Variants in PCNX1 observed in about 807,000 individuals in gnomAD.
PCNX1 encodes pecanex-like protein 1.
PCNX1 carries 78 observed loss-of-function variants against 242.2 expected under a neutral mutation model. That is an observed-to-expected ratio of 0.32 (90% CI 0.27 to 0.39). The LOEUF is 0.39. Ranked by LOEUF, PCNX1 falls within the 10% of genes least tolerant of loss-of-function variation. PCNX1 has a pLI of 1.00. For synonymous variants in PCNX1, 1,024 were observed against 1,032.9 expected (o/e 0.99, Z 0.17); for missense variants, 2,581 against 2,856.5 (o/e 0.90, Z 2.20).
At chr14:71,085,155 G>T (rs1248693660) in intron 28 of PCNX1, among the ~76,000 whole-genome samples, 1 of 152,152 alleles carries the variant, frequency 6.6e-6, no homozygotes, top group Non-Finnish European at 1.5e-5. Context: ...GCTTCGGCTT[G>T]CCCTCTGTGG....
At position 71,033,482 on chromosome 14, in the gene PCNX1, A is replaced by C. The variant is rs550199235; in HGVS notation, c.3612A>C (p.Leu1204Phe). 1.2e-6 allele frequency: 2 copies of C among 1,610,942 alleles called. No individual in the cohort carries two copies. Among genetic ancestry groups the C allele is most frequent in the South Asian group, 2.2e-5 (2 of 90,982 alleles). The change falls in exon 17 of 36, where the codon TTA becomes TTC. Residue 1204 changes from leucine to phenylalanine, a missense_variant. By Grantham distance (22) the Leu-to-Phe change is conservative (BLOSUM62 0). This residue lies in a region of PCNX1 where 432 missense variants were observed against 443.1 expected (regional missense o/e 0.97). Transcript: ENST00000304743. ...TACTTTTCTCCATTTTTTGTGGTTT[A>C]TTAGTGGCAGTGTCTTACCATCTCA... ...IPVLFSIFCG[L>F]LVAVSYHLSR...
rs75862856 is a variant in PCNX1, at chr14:71,045,018, T to C, written c.3868-115T>C. 3.3e-3 allele frequency: 2,258 copies of C among 689,398 alleles called. 34 individuals carry two copies. In the African/African-American group the frequency reaches 0.035, roughly 11 times the overall value. 42.7% of individuals were successfully genotyped at this position (689,398 alleles called of 1,614,324 possible). Reference sequence around the variant, plus strand: ...ACTGTAGAAAAATGTTTAGTTCTTATATTCTAAAATGGACGTTGTCCATTA... The same window carrying C: ...ACTGTAGAAAAATGTTTAGTTCTTACATTCTAAAATGGACGTTGTCCATTA... On this transcript the variant is annotated intron_variant, in intron 19 of 35. Transcript: ENST00000304743.
intron 19 of PCNX1, among the ~76,000 whole-genome samples, chr14:71,040,219 C>T (rs917641629): frequency 1.3e-5 from 2 of 152,220 alleles, no homozygotes; most frequent in African/African-American, 2.4e-5. Context: ...CCTTATTTCG[C>T]TATTGGTATT....
At chr14:70,949,280 T>TAG (rs2057656010) in intron 2 of PCNX1, among the ~76,000 whole-genome samples, 1 of 38,022 alleles carries the variant, frequency 2.6e-5, no homozygotes, top group African/African-American at 7.8e-5. Context: ...CACACACGTG[T>TAG]ATACACACAC....
chr14:70,936,399 C>T (rs548036888), intron 1 of PCNX1, among the ~76,000 whole-genome samples: 18 of 151,564 alleles, frequency 1.2e-4, no homozygotes, highest in African/African-American at 3.1e-4. Context: ...TCTGTCCTTG[C>T]GACAGTTTGC....
intron 13 of PCNX1, among the ~76,000 whole-genome samples, chr14:71,024,376 A>G (rs958457753): frequency 1.3e-5 from 2 of 152,150 alleles, no homozygotes; most frequent in African/African-American, 4.8e-5. Flanking sequence ...TTAGTCTCTT[A>G]AATCTCCTTT....
In PCNX1 at chr14:71,088,336, G is replaced by T. The variant is rs766646758; in HGVS notation, c.5344G>T (p.Asp1782Tyr). ...GTTTTTTGTTTTTTTAAAGCCTGTG[G>T]ATGTGGACAAAGATTCATCCCTAGT... Reference protein sequence around the residue: ...YCSSRRAKPVDVDKDSSLVTL... With the variant: ...YCSSRRAKPVYVDKDSSLVTL... The change falls in exon 29 of 36, where the codon GAT becomes TAT. Residue 1782 changes from aspartate (D) to tyrosine (Y), a missense_variant. Around this residue, in one of 9 missense-constraint regions of PCNX1, gnomAD observed 298 missense variants for 480.1 expected, o/e 0.62. Transcript: ENST00000304743. 6.2e-7 allele frequency: 1 copy of T among 1,601,678 alleles called. No homozygotes were observed. The highest frequency in any genetic ancestry group is 8.5e-7 in the Non-Finnish European group (1 of 1,169,900).
chr14:71,026,075 T>C (rs759558083), intron 13 of PCNX1, 42 bp from the exon 14 acceptor site: 1 of 1,388,122 alleles, frequency 7.2e-7, no homozygotes, highest in Non-Finnish European at 9.8e-7. Flanking sequence ...TTTGTGACTC[T>C]TAAAATTAAC....
At chr14:70,930,157 CA>C (rs1245210534) in intron 1 of PCNX1, among the ~76,000 whole-genome samples, 1 of 151,870 alleles carries the variant, frequency 6.6e-6, no homozygotes, top group East Asian at 1.9e-4. Flanking sequence ...TTTTAAGGGA[CA>C]GGGTCTCCCT....
At position 70,946,917 on chromosome 14, in the gene PCNX1, C is replaced by T. The variant is rs182984150; in HGVS notation, c.156C>T (p.Ala52=). The part of the protein sequence containing the change: ...LLGLPFTLYM[A]LPSTMIIVAV... Reference sequence around the variant, plus strand: ...TCCTTATTTTCTTTCTCTTAAAGGCCCTTCCTTCTACCATGATTATAGTAG... The same window carrying T: ...TCCTTATTTTCTTTCTCTTAAAGGCTCTTCCTTCTACCATGATTATAGTAG... The change falls in exon 2 of 36, where the codon GCC becomes GCT. Residue 52 remains alanine, a splice_region_variant and synonymous_variant. Coordinates refer to ENST00000304743, the MANE Select transcript of PCNX1 (RefSeq NM_014982.3). 4.0e-5 allele frequency: 64 copies of T among 1,597,468 alleles called. 1 individual carries two copies. The East Asian group carries it at 9.6e-4, about 24-fold the overall frequency.
rs2062799581 is a variant in PCNX1, at chr14:71,113,756, A to G, written c.*3821A>G. ...GTCAGAATTCTTTGAATTTATATTT[A>G]CTAGCTACTTAACCATAAACTGCTG... On this transcript the variant is annotated 3_prime_UTR_variant, in exon 36 of 36. Transcript: ENST00000304743. 6.6e-6 allele frequency: 1 copy of G among 152,236 alleles called. No individual in the cohort carries two copies. The highest frequency in any genetic ancestry group is 2.4e-5 in the African/African-American group (1 of 41,466). The allele number at this position is 152,236 out of a possible 1,614,324, so 9.4% of individuals were successfully genotyped here.
At chr14:70,968,120 A>C in intron 3 of PCNX1, 78 bp from the exon 4 acceptor site, 1 of 963,008 alleles carries the variant, frequency 1.0e-6, no homozygotes, top group South Asian at 1.4e-5. Flanking sequence ...ATTTTGTTTG[A>C]TAATCTTGCT....
chr14:70,998,439 T>G (rs1309849034), intron 8 of PCNX1, among the ~76,000 whole-genome samples: 1 of 152,072 alleles, frequency 6.6e-6, no homozygotes, highest in Non-Finnish European at 1.5e-5. Flanking sequence ...ATTTGAATTA[T>G]AAGTGGCTTA....
chr14:71,077,409 A>G (rs2061744949), intron 28 of PCNX1, among the ~76,000 whole-genome samples: 1 of 152,204 alleles, frequency 6.6e-6, no homozygotes, highest in South Asian at 2.1e-4. Context: ...CTACCTTGAC[A>G]ACTGGTGCCT....
chr14:71,006,683 A>G (rs991530779), intron 8 of PCNX1, among the ~76,000 whole-genome samples: 1 of 152,254 alleles, frequency 6.6e-6, no homozygotes, highest in Non-Finnish European at 1.5e-5. Context: ...ATTGCTGTGT[A>G]TGCCAAGAAA....
At chr14:70,965,662 CAAA>C (rs11453401) in intron 3 of PCNX1, among the ~76,000 whole-genome samples, 1 of 91,118 alleles carries the variant, frequency 1.1e-5, no homozygotes. Flanking sequence ...GACTCCGTCT[CAAA>C]AAAAAAAAAA....
chr14:71,063,988 G>A (rs2061387209), intron 26 of PCNX1, among the ~76,000 whole-genome samples: 1 of 151,992 alleles, frequency 6.6e-6, no homozygotes. Flanking sequence ...ACTGTACCAG[G>A]TACAGTTTTA....
intron 18 of PCNX1, 72 bp from the exon 19 acceptor site, chr14:71,035,992 CA>C: frequency 1.0e-6 from 1 of 990,734 alleles, no homozygotes. Context: ...TAAACTTTGC[CA>C]ATTGGGAATA....
At chr14:71,033,195 C>T (rs1167429461) in intron 16 of PCNX1, among the ~76,000 whole-genome samples, 1 of 152,138 alleles carries the variant, frequency 6.6e-6, no homozygotes, top group African/African-American at 2.4e-5. Flanking sequence ...CTTTAGTGCC[C>T]TCCCCCCAAA....
Sources: allele counts gnomAD v4.1 joint callset (sites outside exome capture counted in the v4.1 genomes callset), GRCh38; gene constraint gnomAD v4.1.1; regional missense constraint gnomAD v4.1.1; transcripts MANE v1.5; gene names NCBI Gene and HGNC (gene_info 2026-07-23, HGNC 2026-07-21).